Variants in LARGE1 observed in about 807,000 individuals in gnomAD.
LARGE1 encodes the protein xylosyl- and glucuronyltransferase LARGE1.
A neutral mutation model predicts 87.6 loss-of-function variants in LARGE1; 43 were observed. The ratio of observed to expected loss-of-function variants is 0.49; its 90% CI spans 0.38 to 0.63. The LOEUF is 0.63. LARGE1 is among the 30% of genes least tolerant of loss of function. The pLI, the probability that LARGE1 is intolerant of heterozygous loss-of-function variation, is 0.00. For synonymous variants in LARGE1, 434 were observed against 394.6 expected (o/e 1.10, Z -1.18); for missense variants, 802 against 1,000.2 (o/e 0.80, Z 2.67).
intron 6 of LARGE1, among the ~76,000 whole-genome samples, chr22:33,516,651 C>T (rs1003909335): frequency 1.5e-5 from 1 of 68,366 alleles, no homozygotes; most frequent in Non-Finnish European, 2.7e-5. Context: ...TGCAGTGGTG[C>T]CATCTCCGCT....
intron 6 of LARGE1, among the ~76,000 whole-genome samples, chr22:33,547,486 T>C (rs762102942): frequency 2.0e-5 from 3 of 152,168 alleles, no homozygotes; most frequent in Non-Finnish European, 4.4e-5. Flanking sequence ...TGGGAACCCC[T>C]GGTCTAGACC....
At chr22:33,756,038 G>T (rs181086179) in intron 2 of LARGE1, among the ~76,000 whole-genome samples, 2 of 152,266 alleles carry the variant, frequency 1.3e-5, no homozygotes, top group East Asian at 3.9e-4. Flanking sequence ...CAGTAAGACC[G>T]CAAGAGTGAA....
the LARGE1 span, among the ~76,000 whole-genome samples, chr22:33,140,647 C>T: frequency 6.6e-6 from 1 of 152,164 alleles, no homozygotes; most frequent in Non-Finnish European, 1.5e-5. Context: ...GCTTCCTGCT[C>T]TCGAACATCA....
At chr22:33,521,212 T>C (rs1282922748) in intron 6 of LARGE1, among the ~76,000 whole-genome samples, 1 of 152,244 alleles carries the variant, frequency 6.6e-6, no homozygotes, top group African/African-American at 2.4e-5. Context: ...TCAGTCAGCA[T>C]TGCTGTGTAA....
At chr22:33,180,125 A>G (rs1416502988) in intron 11 of LARGE1, among the ~76,000 whole-genome samples, 1 of 151,990 alleles carries the variant, frequency 6.6e-6, no homozygotes, top group Non-Finnish European at 1.5e-5. Context: ...TTGATCTTGG[A>G]CTCCCAACCT....
At chr22:33,521,830 A>G (rs1030886994) in intron 6 of LARGE1, among the ~76,000 whole-genome samples, 1 of 152,228 alleles carries the variant, frequency 6.6e-6, no homozygotes, top group East Asian at 1.9e-4. Flanking sequence ...TGGGTAATTT[A>G]TAAAGAAAAG....
chr22:33,676,372 CAAAAAAAAA>C (rs10567981), intron 2 of LARGE1, among the ~76,000 whole-genome samples: 9 of 16,302 alleles, frequency 5.5e-4, no homozygotes, highest in African/African-American at 1.2e-3. Flanking sequence ...GATTCAATGG[CAAAAAAAAA>C]AAAAAAAAAA....
intron 1 of LARGE1, among the ~76,000 whole-genome samples, chr22:33,785,989 A>G (rs1037316677): frequency 1.3e-5 from 2 of 152,208 alleles, no homozygotes; most frequent in Non-Finnish European, 2.9e-5. Flanking sequence ...TTTAAAATGC[A>G]CAGTACCAGA....
chr22:33,316,186 G>A lies in LARGE1; in HGVS notation c.1350C>T (p.Arg450=), dbSNP rs532110103. The A allele has an allele frequency of 1.1e-5, 17 of 1,614,106 alleles. No homozygotes were observed. The East Asian group carries it at 3.1e-4, about 30-fold the overall frequency. The part of the protein sequence containing the change: ...DDLCYEFRRE[R]FTVHRTHLYF... ...ACAGGTGGGTGCGGTGGACAGTGAA[G>A]CGCTCTCGCCGGAACTCATAGCACA... Residue 450 remains arginine, a synonymous_variant, in exon 11 of 15, where the codon CGC becomes CGT. Coordinates refer to ENST00000397394, the MANE Select transcript of LARGE1 (RefSeq NM_133642.5).
intron 6 of LARGE1, among the ~76,000 whole-genome samples, chr22:33,439,452 C>G (rs879747993): frequency 3.9e-5 from 6 of 152,078 alleles, no homozygotes; most frequent in Non-Finnish European, 7.4e-5. Context: ...TTAGCGTCGG[C>G]GACATCTGTC....
chr22:33,140,551 C>A, the LARGE1 span, among the ~76,000 whole-genome samples: 1 of 152,212 alleles, frequency 6.6e-6, no homozygotes, highest in Non-Finnish European at 1.5e-5. Flanking sequence ...TAATCAGCTG[C>A]CAGCATGGCT....
chr22:33,186,525 C>T (rs1233096718), intron 11 of LARGE1, among the ~76,000 whole-genome samples: 1 of 152,120 alleles, frequency 6.6e-6, no homozygotes, highest in Non-Finnish European at 1.5e-5. Flanking sequence ...ATGCAAAAAT[C>T]TTTGAGCTAA....
intron 1 of LARGE1, among the ~76,000 whole-genome samples, chr22:33,897,106 G>A (rs1029117504): frequency 1.3e-4 from 20 of 152,166 alleles, no homozygotes; most frequent in Non-Finnish European, 2.5e-4. Flanking sequence ...CCTTTGTGGA[G>A]CTCCCTGGAG....
the LARGE1 span, among the ~76,000 whole-genome samples, chr22:33,120,395 T>TTTCTTTCC: frequency 2.0e-5 from 2 of 97,924 alleles, no homozygotes; most frequent in Admixed American, 8.9e-5. Flanking sequence ...TCTTTCTTTC[T>TTTCTTTCC]TTCTTTCTTT....
rs75268082 is a variant in LARGE1 at position 33,406,506 on chromosome 22, T to C, written c.893-22202A>G. Reference sequence around the variant, plus strand: ...TGTGATGAAACATCCATGTTTTGACTTGAACGCACACACCCTCACTGTTTG... The same window carrying C: ...TGTGATGAAACATCCATGTTTTGACCTGAACGCACACACCCTCACTGTTTG... On this transcript the variant is annotated intron_variant, in intron 7 of 14. Coordinates refer to ENST00000397394, the MANE Select transcript of LARGE1 (RefSeq NM_133642.5). 3.5e-3 allele frequency among the ~76,000 whole-genome samples: 528 copies of C among 152,210 alleles called. 6 individuals are homozygous for C. The highest frequency in any genetic ancestry group is 0.012 in the African/African-American group (491 of 41,538).
chr22:33,427,982 T>G (rs2066937211), intron 7 of LARGE1, among the ~76,000 whole-genome samples: 1 of 152,236 alleles, frequency 6.6e-6, no homozygotes, highest in African/African-American at 2.4e-5. Context: ...AATAGTCATT[T>G]TTTTTCCTAA....
intron 2 of LARGE1, among the ~76,000 whole-genome samples, chr22:33,742,605 T>A (rs1438496313): frequency 6.6e-6 from 1 of 152,196 alleles, no homozygotes; most frequent in African/African-American, 2.4e-5. Flanking sequence ...GGTCTTCTGG[T>A]GCAAGAACCC....
intron 5 of LARGE1, among the ~76,000 whole-genome samples, chr22:33,571,847 G>T (rs1036363302): frequency 6.6e-6 from 1 of 151,968 alleles, no homozygotes; most frequent in African/African-American, 2.4e-5. Flanking sequence ...CTTCCCACTG[G>T]ACCTGGCTTA....
intron 6 of LARGE1, among the ~76,000 whole-genome samples, chr22:33,467,846 C>T (rs2068678496): frequency 6.6e-6 from 1 of 152,164 alleles, no homozygotes. Context: ...GTTACCAAAA[C>T]TTGGCTCTTC....
Sources: gnomAD v4.1 joint callset for allele counts (sites outside exome capture counted in the v4.1 genomes callset) on GRCh38, gnomAD v4.1.1 for gene constraint, MANE v1.5 for transcripts, NCBI Gene and HGNC (gene_info 2026-07-23, HGNC 2026-07-21) for gene names.